Variants in GRID1 observed in about 807,000 individuals in gnomAD.
GRID1 encodes the protein glutamate ionotropic receptor delta type subunit 1.
GRID1 carries 28 observed loss-of-function variants against 98.0 expected under a neutral mutation model. The observed-to-expected ratio is 0.29, with a 90% CI of 0.21 to 0.39. The LOEUF (loss-of-function observed/expected upper bound fraction) is 0.39, where lower values mean the gene tolerates loss of function less well. Among genes scored for constraint, GRID1 ranks in the 10% least tolerant of loss-of-function variants. GRID1 has a pLI of 1.00. For missense variants in GRID1, 1,111 were observed against 1,340.5 expected (o/e 0.83, Z 2.67); for synonymous variants, 553 against 538.5 (o/e 1.03, Z -0.37).
At chr10:86,318,478 G>A (rs977742020) in intron 2 of GRID1, among the ~76,000 whole-genome samples, 1 of 152,238 alleles carries the variant, frequency 6.6e-6, no homozygotes, top group Admixed American at 6.5e-5. Flanking sequence ...CACACAGGCT[G>A]ACAGGTTGGG....
At chr10:86,297,214 G>A (rs1210651674) in intron 2 of GRID1, among the ~76,000 whole-genome samples, 2 of 151,628 alleles carry the variant, frequency 1.3e-5, no homozygotes, top group African/African-American at 4.9e-5. Flanking sequence ...AAAGAAATGA[G>A]AGGAAACTAG....
chr10:85,934,522 C>T lies in GRID1; in HGVS notation c.727-18283G>A, dbSNP rs182572330. Among the ~76,000 whole-genome samples the T allele has an allele frequency of 5.3e-5, 8 of 151,882 alleles. No homozygotes were observed. In the East Asian group the frequency reaches 1.6e-3, roughly 29 times the overall value. ...GCTAGCTGTGGATTGGAGCCAGAGT[C>T]TGGGCTATATTCTAAGAGTCTAGAT... On this transcript the variant is annotated intron_variant, in intron 4 of 15. Coordinates refer to ENST00000327946, the MANE Select transcript of GRID1 (RefSeq NM_017551.3).
chr10:85,829,956 C>A (rs2131760527), intron 8 of GRID1, among the ~76,000 whole-genome samples: 1 of 152,284 alleles, frequency 6.6e-6, no homozygotes, highest in East Asian at 1.9e-4. Context: ...TTGGAAAAAA[C>A]TATTTTACAA....
intron 11 of GRID1, 51 bp downstream of exon 11, chr10:85,724,301 G>A (rs1427491306): frequency 6.9e-7 from 1 of 1,443,280 alleles, no homozygotes. Flanking sequence ...CAATGGATAA[G>A]TTCTTCCAGG....
At chr10:86,253,253 T>C (rs1314280579) in intron 2 of GRID1, among the ~76,000 whole-genome samples, 1 of 152,248 alleles carries the variant, frequency 6.6e-6, no homozygotes, top group Non-Finnish European at 1.5e-5. Flanking sequence ...TTCCACATCC[T>C]GCATCTCTGC....
Position 85,737,673 on chromosome 10 carries a change from T to TATATATATATATATATATAA in GRID1, c.1234-8060_1234-8059insTTATATATATATATATATAT, listed in dbSNP as rs1342754070. ...ATATATATATATATATATATATATA[T>TATATATATATATATATATAA]AAACATATATGGTTATATATATATA... On this transcript the variant is annotated intron_variant, in intron 8 of 15. Transcript: ENST00000327946. 4.4e-3 allele frequency among the ~76,000 whole-genome samples: 498 copies of TATATATATATATATATATAA among 112,858 alleles called. 12 individuals are homozygous for TATATATATATATATATATAA. Among genetic ancestry groups the TATATATATATATATATATAA allele is most frequent in the Non-Finnish European group, 6.1e-3 (334 of 54,438 alleles). The allele number at this position is 112,858 out of a possible 152,430, so 74.0% of individuals were successfully genotyped here. A position where few individuals can be genotyped will look rare whatever the true frequency, so the allele number is the denominator to read the frequency against.
chr10:86,161,496 C>T (rs1845323049), intron 3 of GRID1, among the ~76,000 whole-genome samples: 1 of 152,108 alleles, frequency 6.6e-6, no homozygotes, highest in Admixed American at 6.5e-5. Context: ...ATGAGAAATG[C>T]CCTAACCCCA....
In GRID1 at chr10:85,716,806, C is replaced by T. The variant is rs189219521; in HGVS notation, c.1997+6197G>A. On this transcript the variant is annotated intron_variant, in intron 12 of 15. Transcript: ENST00000327946. ...GGTGAACCTAGAGGATATTATGTTA[C>T]GTTAACTCAAATATTATATTATGTT... is the stretch of plus-strand genomic sequence containing the variant. Among the ~76,000 whole-genome samples the T allele has an allele frequency of 1.8e-4, 27 of 151,158 alleles. 1 individual carries two copies. The South Asian group carries it at 3.5e-3, about 20-fold the overall frequency.
Position 85,686,320 on chromosome 10 carries a change from G to A in GRID1, c.1997+36683C>T, listed in dbSNP as rs1325952460. Reference sequence around the variant, plus strand: ...AAAGTAAACTTGAATGCATACTTGAGCCAGTGATTCTATTTCAAGGTATGC... The same window carrying A: ...AAAGTAAACTTGAATGCATACTTGAACCAGTGATTCTATTTCAAGGTATGC... On this transcript the variant is annotated intron_variant, in intron 12 of 15. Transcript: ENST00000327946. 5.9e-5 allele frequency among the ~76,000 whole-genome samples: 9 copies of A among 152,244 alleles called. No homozygotes were observed. The East Asian group carries it at 1.5e-3, about 26-fold the overall frequency.
At chr10:85,639,030 TAGAC>T (rs1843082657) in intron 13 of GRID1, among the ~76,000 whole-genome samples, 1 of 152,190 alleles carries the variant, frequency 6.6e-6, no homozygotes, top group South Asian at 2.1e-4. Flanking sequence ...AGGAGGTAGT[TAGAC>T]AGTTTCATAA....
intron 13 of GRID1, among the ~76,000 whole-genome samples, chr10:85,638,019 G>A (rs546538318): frequency 6.6e-6 from 1 of 152,232 alleles, no homozygotes; most frequent in East Asian, 1.9e-4. Flanking sequence ...GAAGTTTATA[G>A]CTCTAATACT....
At chr10:86,190,681 G>GC (rs148457002) in intron 3 of GRID1, among the ~76,000 whole-genome samples, 14,377 of 152,274 alleles carry the variant, frequency 0.094, 775 homozygotes, top group African/African-American at 0.13. Flanking sequence ...ACCTTGAGCT[G>GC]CCGAGGCCCT....
At chr10:85,868,884 A>T (rs1372677679) in intron 6 of GRID1, 126 bp downstream of exon 6, 1 of 761,346 alleles carries the variant, frequency 1.3e-6, no homozygotes, top group Non-Finnish European at 2.2e-6. Flanking sequence ...TTTCAATTTC[A>T]ACAAATGACA....
At position 86,271,397 on chromosome 10, in the gene GRID1, C is replaced by T. The variant is rs990125285; in HGVS notation, c.236-64749G>A. On this transcript the variant is annotated intron_variant, in intron 2 of 15. Transcript: ENST00000327946. ...CACAATGTCTGGAATCCAATCAAAA[C>T]TGATTAGGTATGTAGAGAAGCAGGA... Among the ~76,000 whole-genome samples the T allele has an allele frequency of 8.5e-5, 13 of 152,174 alleles. 1 individual carries two copies. Among genetic ancestry groups the T allele is most frequent in the Admixed American group, 5.9e-4 (9 of 15,298 alleles).
chr10:85,817,275 C>T (rs1223720986), intron 8 of GRID1, among the ~76,000 whole-genome samples: 2 of 152,130 alleles, frequency 1.3e-5, no homozygotes, highest in Non-Finnish European at 2.9e-5. Context: ...TGCCTGTAAT[C>T]CCAGCACTTT....
intron 3 of GRID1, among the ~76,000 whole-genome samples, chr10:86,186,740 A>T (rs1453150313): frequency 6.6e-6 from 1 of 152,196 alleles, no homozygotes; most frequent in Non-Finnish European, 1.5e-5. Context: ...TGATTATTCA[A>T]ATGCTTCTTC....
chr10:85,741,290 A>G (rs142643657), intron 8 of GRID1, among the ~76,000 whole-genome samples: 217 of 152,084 alleles, frequency 1.4e-3, no homozygotes, highest in African/African-American at 4.9e-3. Context: ...CCTGGGTTGG[A>G]TTTTGTCTTT....
At chr10:85,658,045 A>G (rs1840922667) in intron 12 of GRID1, among the ~76,000 whole-genome samples, 1 of 152,198 alleles carries the variant, frequency 6.6e-6, no homozygotes, top group Non-Finnish European at 1.5e-5. Flanking sequence ...TGGGGCTCTT[A>G]ATCAATTATG....
intron 2 of GRID1, among the ~76,000 whole-genome samples, chr10:86,322,420 T>C (rs1847983541): frequency 6.6e-6 from 1 of 152,128 alleles, no homozygotes; most frequent in African/African-American, 2.4e-5. Flanking sequence ...TTGTCGTTGT[T>C]GTTGTTGTTG....
Sources: gnomAD v4.1 joint callset for allele counts (sites outside exome capture counted in the v4.1 genomes callset) on GRCh38, gnomAD v4.1.1 for gene constraint, MANE v1.5 for transcripts, NCBI Gene and HGNC (gene_info 2026-07-23, HGNC 2026-07-21) for gene names.